Variants in PLXNA4 observed in about 807,000 individuals in gnomAD.
The protein encoded by PLXNA4 is plexin A4.
PLXNA4 carries 44 observed loss-of-function variants against 191.8 expected under a neutral mutation model. That is an observed-to-expected ratio of 0.23 (90% CI 0.18 to 0.29). The LOEUF is 0.29. Ranked by LOEUF, PLXNA4 falls within the 10% of genes least tolerant of loss-of-function variation. The pLI, the probability that PLXNA4 is intolerant of heterozygous loss-of-function variation, is 1.00. For synonymous variants in PLXNA4, 1,082 were observed against 1,009.5 expected (o/e 1.07, Z -1.36); for missense variants, 1,800 against 2,488.8 (o/e 0.72, Z 5.89).
rs572416661 is a variant in PLXNA4 at position 132,342,808 on chromosome 7, A to C, written c.1372-44586T>G. Among the ~76,000 whole-genome samples, 25 of 152,180 alleles carry C rather than the reference A, an allele frequency of 1.6e-4. No homozygotes were observed. The South Asian group carries it at 4.6e-3, about 28-fold the overall frequency. On this transcript the variant is annotated intron_variant, in intron 3 of 31. Transcript: ENST00000321063. ...CTAAAACTACAAAAATTAGCCAGGC[A>C]TGGTGCTGGGCACCTGTAATCCCAG...
chr7:132,150,466 G>A (rs942598144), intron 25 of PLXNA4, among the ~76,000 whole-genome samples: 1 of 152,150 alleles, frequency 6.6e-6, no homozygotes, highest in African/African-American at 2.4e-5. Context: ...ATGGTGAGTG[G>A]CACCTGGTTA....
chr7:132,323,828 G>A (rs532633838), intron 3 of PLXNA4, among the ~76,000 whole-genome samples: 34 of 152,256 alleles, frequency 2.2e-4, no homozygotes, highest in African/African-American at 8.2e-4. Context: ...GGTGGCTGCA[G>A]GAAAGATACA....
At chr7:132,169,073 G>A (rs79434268) in intron 21 of PLXNA4, among the ~76,000 whole-genome samples, 9,250 of 152,258 alleles carry the variant, frequency 0.061, 410 homozygotes, top group Non-Finnish European at 0.078. Flanking sequence ...TGGGTTCCAC[G>A]TGGATTCTGA....
At chr7:132,384,924 A>G (rs537933904) in intron 3 of PLXNA4, 1 of 1,278,780 alleles carries the variant, frequency 7.8e-7, no homozygotes. Flanking sequence ...TGATAACACC[A>G]CAAGAGTCAA....
intron 6 of PLXNA4, among the ~76,000 whole-genome samples, chr7:132,228,108 C>T (rs1272140001): frequency 2.6e-5 from 4 of 152,084 alleles, no homozygotes; most frequent in Non-Finnish European, 4.4e-5. Context: ...TGATGGTGCT[C>T]CCTGTCTTTC....
chr7:132,332,305 C>T (rs569464008), intron 3 of PLXNA4, among the ~76,000 whole-genome samples: 66 of 152,324 alleles, frequency 4.3e-4, no homozygotes, highest in African/African-American at 1.5e-3. Context: ...TTTCTGGGAC[C>T]TGTCCGCTCT....
At chr7:132,356,522 C>T (rs756904264) in intron 3 of PLXNA4, among the ~76,000 whole-genome samples, 4 of 152,196 alleles carry the variant, frequency 2.6e-5, no homozygotes, top group Non-Finnish European at 5.9e-5. Context: ...AAGGGCAAAC[C>T]CCTGCAAGGA....
intron 3 of PLXNA4, among the ~76,000 whole-genome samples, chr7:132,396,691 C>T (rs1456633943): frequency 2.6e-5 from 4 of 152,218 alleles, no homozygotes; most frequent in Admixed American, 2.6e-4. Flanking sequence ...CGGGGCTTCA[C>T]CATGAGATGA....
At chr7:132,176,283 G>A (rs1796453319) in intron 20 of PLXNA4, among the ~76,000 whole-genome samples, 1 of 152,234 alleles carries the variant, frequency 6.6e-6, no homozygotes, top group Admixed American at 6.5e-5. Context: ...CAGACACAGG[G>A]GTTCCTGATA....
At chr7:132,181,149 G>A (rs17166223) in intron 18 of PLXNA4, among the ~76,000 whole-genome samples, 1,778 of 152,318 alleles carry the variant, frequency 0.012, 47 homozygotes, top group African/African-American at 0.04. Flanking sequence ...ATAAAAGCTT[G>A]AGAGTCAAAT....
chr7:132,195,823 C>A (rs1003289510), intron 13 of PLXNA4, among the ~76,000 whole-genome samples: 2 of 152,132 alleles, frequency 1.3e-5, no homozygotes, highest in African/African-American at 4.8e-5. Flanking sequence ...TGATTTTCTC[C>A]ACGCTTGTCA....
intron 2 of PLXNA4, among the ~76,000 whole-genome samples, chr7:132,491,954 G>A (rs531501846): frequency 6.6e-6 from 1 of 152,304 alleles, no homozygotes; most frequent in African/African-American, 2.4e-5. Context: ...ATGGCAACCT[G>A]CCAGGCCTTC....
At chr7:132,144,851 G>A (rs1305040237) in intron 29 of PLXNA4, among the ~76,000 whole-genome samples, 2 of 152,294 alleles carry the variant, frequency 1.3e-5, no homozygotes, top group East Asian at 3.9e-4. Flanking sequence ...TCTTCAGCTG[G>A]TTCAATAAAT....
At chr7:132,574,636 T>G (rs940936967) in intron 1 of PLXNA4, among the ~76,000 whole-genome samples, 4 of 152,218 alleles carry the variant, frequency 2.6e-5, no homozygotes, top group Admixed American at 1.3e-4. Context: ...CTCTCCATTG[T>G]GAGAGATTTG....
intron 2 of PLXNA4, among the ~76,000 whole-genome samples, chr7:132,624,167 C>T (rs1356841453): frequency 6.6e-6 from 1 of 152,116 alleles, no homozygotes; most frequent in Admixed American, 6.5e-5. Flanking sequence ...AAGCTAGTCC[C>T]AAGGCAGTTG....
At chr7:132,153,133 G>A (rs996313022) in intron 25 of PLXNA4, among the ~76,000 whole-genome samples, 1 of 152,140 alleles carries the variant, frequency 6.6e-6, no homozygotes, top group Non-Finnish European at 1.5e-5. Flanking sequence ...GGAGCTGGTG[G>A]GAAAGGGCTG....
chr7:132,538,407 T>A (rs572747202), intron 1 of PLXNA4, among the ~76,000 whole-genome samples: 7 of 152,312 alleles, frequency 4.6e-5, no homozygotes, highest in African/African-American at 1.7e-4. Flanking sequence ...GCAAGGTGAA[T>A]GGAACTGAAG....
At chr7:132,160,036 C>T (rs1169332335) in intron 24 of PLXNA4, among the ~76,000 whole-genome samples, 1 of 152,170 alleles carries the variant, frequency 6.6e-6, no homozygotes, top group Non-Finnish European at 1.5e-5. Flanking sequence ...GTCTCAGCGG[C>T]ACACCCAGAC....
intron 5 of PLXNA4, among the ~76,000 whole-genome samples, chr7:132,230,164 G>A (rs1311873440): frequency 1.3e-5 from 2 of 152,168 alleles, no homozygotes; most frequent in Admixed American, 6.5e-5. Context: ...ACATTGTCTA[G>A]CGTTTAAGTC....
Sources: allele counts gnomAD v4.1 joint callset (sites outside exome capture counted in the v4.1 genomes callset), GRCh38; gene constraint gnomAD v4.1.1; transcripts MANE v1.5; gene names NCBI Gene and HGNC (gene_info 2026-07-23, HGNC 2026-07-21).